The following GLT1D1 variants were observed in gnomAD, a reference collection of about 807,000 sequenced individuals.
The protein encoded by GLT1D1 is glycosyltransferase 1 domain containing 1.
GLT1D1 carries 21 observed loss-of-function variants against 28.7 expected under a neutral mutation model. That is an observed-to-expected ratio of 0.73 (90% CI 0.52 to 1.05). The LOEUF (loss-of-function observed/expected upper bound fraction) is 1.05, where lower values mean the gene tolerates loss of function less well. GLT1D1 is among the 50% of genes least tolerant of loss of function. The pLI is 0.00. For synonymous variants in GLT1D1, 147 were observed against 124.8 expected (o/e 1.18, Z -1.19); for missense variants, 343 against 330.6 (o/e 1.04, Z -0.29).
chr12:128,953,116 A>G (rs1876902752), intron 6 of GLT1D1, among the ~76,000 whole-genome samples: 1 of 151,890 alleles, frequency 6.6e-6, no homozygotes, highest in Admixed American at 6.6e-5. Context: ...TTATCGCCCC[A>G]TTTATACCTT....
intron 4 of GLT1D1, among the ~76,000 whole-genome samples, chr12:128,900,119 C>T (rs1004480426): frequency 1.3e-5 from 2 of 152,126 alleles, no homozygotes; most frequent in South Asian, 2.1e-4. Context: ...GCTATGTGAA[C>T]GCACCATAGA....
chr12:128,971,302 C>CCT (rs1555221620), intron 7 of GLT1D1, among the ~76,000 whole-genome samples: 1 of 140,352 alleles, frequency 7.1e-6, no homozygotes, highest in Admixed American at 7.1e-5. Context: ...TCCTCCCTCC[C>CCT]TCCTTCCTTC....
chr12:128,874,752 G>C (rs1051365706), intron 1 of GLT1D1, among the ~76,000 whole-genome samples: 1 of 152,184 alleles, frequency 6.6e-6, no homozygotes, highest in African/African-American at 2.4e-5. Flanking sequence ...TCAAAGTGCT[G>C]GGATTACAGG....
intron 6 of GLT1D1, among the ~76,000 whole-genome samples, chr12:128,954,200 T>C (rs924719320): frequency 1.3e-5 from 2 of 151,782 alleles, no homozygotes; most frequent in Admixed American, 1.3e-4. Context: ...CTCGGCTCAC[T>C]GCAAGCTCCA....
At chr12:128,935,333 G>T (rs1198811504) in intron 4 of GLT1D1, among the ~76,000 whole-genome samples, 1 of 152,134 alleles carries the variant, frequency 6.6e-6, no homozygotes, top group Non-Finnish European at 1.5e-5. Context: ...CTTGAGGTCA[G>T]GTGTTCGAGA....
chr12:128,873,913 C>CTCTTTCTTTTTCTT (rs1367546282), intron 1 of GLT1D1, among the ~76,000 whole-genome samples: 5 of 122,410 alleles, frequency 4.1e-5, no homozygotes, highest in African/African-American at 9.0e-5. Flanking sequence ...CTTTCTTTCT[C>CTCTTTCTTTTTCTT]TCTTTCTTTT....
At chr12:128,870,714 G>A (rs1420977879) in intron 1 of GLT1D1, among the ~76,000 whole-genome samples, 1 of 152,138 alleles carries the variant, frequency 6.6e-6, no homozygotes, top group Non-Finnish European at 1.5e-5. Flanking sequence ...TTAATAGGCT[G>A]GGCACGGCGG....
chr12:128,868,468 C>A (rs918556942), intron 1 of GLT1D1, among the ~76,000 whole-genome samples: 1 of 152,204 alleles, frequency 6.6e-6, no homozygotes, highest in Non-Finnish European at 1.5e-5. Context: ...CCAAAAGCGT[C>A]ACTCGTCCGT....
chr12:128,909,268 CAGG>C (rs1871283851), intron 4 of GLT1D1, among the ~76,000 whole-genome samples: 1 of 151,816 alleles, frequency 6.6e-6, no homozygotes, highest in African/African-American at 2.4e-5. Flanking sequence ...GGTTCCATTG[CAGG>C]AGTTCAGTGG....
chr12:128,878,682 A>T (rs1956930662), intron 2 of GLT1D1, among the ~76,000 whole-genome samples: 1 of 151,818 alleles, frequency 6.6e-6, no homozygotes, highest in Non-Finnish European at 1.5e-5. Context: ...ATCTTGGCTC[A>T]CTGCAACCTC....
chr12:128,968,171 A>G (rs1167723444), intron 7 of GLT1D1, among the ~76,000 whole-genome samples: 1 of 151,294 alleles, frequency 6.6e-6, no homozygotes, highest in African/African-American at 2.4e-5. Context: ...AATTTTTTGT[A>G]TTTTCAGTAG....
chr12:128,868,356 T>C (rs1025504022), intron 1 of GLT1D1, among the ~76,000 whole-genome samples: 1 of 152,118 alleles, frequency 6.6e-6, no homozygotes, highest in East Asian at 1.9e-4. Context: ...AGGAGCACCC[T>C]TGGATCTGGA....
At chr12:128,934,196 G>GTTTTTTTTT in intron 4 of GLT1D1, among the ~76,000 whole-genome samples, 1 of 128,686 alleles carries the variant, frequency 7.8e-6, no homozygotes. Flanking sequence ...CAAAGAGACA[G>GTTTTTTTTT]TCTTTTTTTT....
intron 4 of GLT1D1, among the ~76,000 whole-genome samples, chr12:128,941,905 CTTT>C (rs60663875): frequency 0.19 from 14,374 of 75,224 alleles, 1,327 homozygotes; most frequent in African/African-American, 0.34. Context: ...CTCTCTCTCT[CTTT>C]TTTTTTTTTT....
At chr12:128,914,320 A>AT (rs1555267874) in intron 4 of GLT1D1, among the ~76,000 whole-genome samples, 1 of 152,054 alleles carries the variant, frequency 6.6e-6, no homozygotes, top group Non-Finnish European at 1.5e-5. Context: ...ACTTCCTGGC[A>AT]TTTTTAAGGA....
chr12:128,869,327 G>A (rs1034416044), intron 1 of GLT1D1, among the ~76,000 whole-genome samples: 2 of 151,998 alleles, frequency 1.3e-5, no homozygotes, highest in Admixed American at 1.3e-4. Flanking sequence ...GAACCACCAC[G>A]CCTGGCTACT....
Position 128,936,947 on chromosome 12 carries a change from G to A in GLT1D1, c.376-8379G>A, listed in dbSNP as rs141859291. Among the ~76,000 whole-genome samples, 732 of 152,294 alleles carry A rather than the reference G, an allele frequency of 4.8e-3. 4 individuals are homozygous for A. The highest frequency in any genetic ancestry group is 0.016 in the African/African-American group (685 of 41,566). On this transcript the variant is annotated intron_variant, in intron 4 of 7. Transcript: ENST00000281703. ...CTAAGAGATTTGAAAGTGAACTGAT[G>A]TGGAAGGTAAATCCAGAAAAATTTA...
intron 1 of GLT1D1, among the ~76,000 whole-genome samples, chr12:128,870,999 A>G (rs1410227186): frequency 6.6e-6 from 1 of 152,164 alleles, no homozygotes; most frequent in Non-Finnish European, 1.5e-5. Context: ...TCAAAAACAA[A>G]CAAACAAAAA....
chr12:128,897,771 C>T (rs1209737028), intron 3 of GLT1D1, among the ~76,000 whole-genome samples: 1 of 152,132 alleles, frequency 6.6e-6, no homozygotes, highest in Non-Finnish European at 1.5e-5. Context: ...CGGGTTCACA[C>T]CATCCTCCTG....
Sources: allele counts gnomAD v4.1 joint callset (sites outside exome capture counted in the v4.1 genomes callset), GRCh38; gene constraint gnomAD v4.1.1; transcripts MANE v1.5; gene names NCBI Gene and HGNC (gene_info 2026-07-23, HGNC 2026-07-21).